DSG3: variants seen among roughly 807,000 people sequenced by gnomAD.
DSG3 encodes the protein desmoglein-3.
In DSG3, 63 loss-of-function variants were observed where a neutral mutation model predicts 85.9. That is an observed-to-expected ratio of 0.73 (90% CI 0.60 to 0.90). The LOEUF (loss-of-function observed/expected upper bound fraction) is 0.90. Among genes scored for constraint, DSG3 ranks in the 40% least tolerant of loss-of-function variants. The pLI is 0.00. For missense variants in DSG3, 1,220 were observed against 1,219.9 expected (o/e 1.00, Z 0.00); for synonymous variants, 447 against 441.9 (o/e 1.01, Z -0.14).
At chr18:31,459,679 G>A (rs764594356) in intron 5 of DSG3, among the ~76,000 whole-genome samples, 166 bp from the exon 6 acceptor site, 2 of 152,140 alleles carry the variant, frequency 1.3e-5, no homozygotes, top group Non-Finnish European at 1.5e-5. Flanking sequence ...TACCTGGTTG[G>A]GAGAGACAGA....
At chr18:31,471,856 C>T (rs1236202822) in intron 12 of DSG3, among the ~76,000 whole-genome samples, 1 of 152,164 alleles carries the variant, frequency 6.6e-6, no homozygotes, top group East Asian at 1.9e-4. Flanking sequence ...TACCAAAACA[C>T]CATCGTGCCC....
At chr18:31,453,439 C>T (rs2072723284) in intron 1 of DSG3, among the ~76,000 whole-genome samples, 2 of 152,126 alleles carry the variant, frequency 1.3e-5, no homozygotes, top group Admixed American at 1.3e-4. Flanking sequence ...TGCTATTATA[C>T]TTGCTTTTTG....
intron 1 of DSG3, among the ~76,000 whole-genome samples, chr18:31,449,090 G>A (rs1598772100): frequency 1.3e-5 from 2 of 152,100 alleles, no homozygotes; most frequent in Non-Finnish European, 2.9e-5. Flanking sequence ...TAGAGATGGG[G>A]TTTTGCCATG....
At chr18:31,458,669 T>C in intron 4 of DSG3, 69 bp downstream of exon 4, 1 of 1,526,190 alleles carries the variant, frequency 6.6e-7, no homozygotes, top group Non-Finnish European at 8.9e-7. Flanking sequence ...AGTGACAGTT[T>C]TCTACTGGTA....
chr18:31,458,361 T>A, intron 3 of DSG3, 84 bp from the exon 4 acceptor site: 1 of 1,384,868 alleles, frequency 7.2e-7, no homozygotes, highest in Non-Finnish European at 9.9e-7. Flanking sequence ...AATGAACAGA[T>A]GACTTTAGAC....
At chr18:31,472,637 T>C in intron 13 of DSG3, 88 bp from the exon 14 acceptor site, 7 of 1,410,044 alleles carry the variant, frequency 5.0e-6, no homozygotes, top group Non-Finnish European at 6.9e-6. Context: ...ATGTTATCAT[T>C]TACAAATTTG....
At position 31,474,351 on chromosome 18, in the gene DSG3, G is replaced by C. The variant is rs373896941; in HGVS notation, c.2332G>C (p.Asp778His). The change falls in exon 15 of 16, where the codon GAC (aspartate) becomes CAC (histidine). Residue 778 changes from aspartate (D) to histidine (H), a missense_variant. By Grantham distance (81) the Asp-to-His change is moderately conservative. Coordinates refer to ENST00000257189, the MANE Select transcript of DSG3 (RefSeq NM_001944.3). ...TRHSTGGTNK[D>H]YADGAISMNF... ...GCATTCCACTGGAGGAACCAATAAG[G>C]ACTACGCTGATGGGGCGATAAGCAT... 8 of 1,614,054 alleles carry C rather than the reference G, an allele frequency of 5.0e-6. No individual in the cohort carries two copies. Among genetic ancestry groups the C allele is most frequent in the Non-Finnish European group, 6.8e-6 (8 of 1,180,034 alleles).
chr18:31,453,251 T>A (rs1443990434), intron 1 of DSG3, among the ~76,000 whole-genome samples: 2 of 152,214 alleles, frequency 1.3e-5, no homozygotes, highest in African/African-American at 4.8e-5. Context: ...TTGAATTATC[T>A]AATTCATTCT....
At chr18:31,465,558 G>A (rs2144277960) in intron 10 of DSG3, 101 bp downstream of exon 10, 4 of 1,098,488 alleles carry the variant, frequency 3.6e-6, no homozygotes, top group Middle Eastern at 2.5e-4. Context: ...CTTTACCACT[G>A]GAGAGAGAGA....
chr18:31,464,991 C>A (rs1317720639), intron 9 of DSG3, among the ~76,000 whole-genome samples: 2 of 151,738 alleles, frequency 1.3e-5, no homozygotes, highest in Non-Finnish European at 2.9e-5. Context: ...ACAAAATTAG[C>A]CGTGGTGGTG....
Position 31,476,436 on chromosome 18 carries a change from T to G in DSG3, c.*176T>G. 1 of 620,638 alleles carries G rather than the reference T, an allele frequency of 1.6e-6. No individual in the cohort carries two copies. The highest frequency in any genetic ancestry group is 2.9e-5 in the East Asian group (1 of 34,200). The allele number at this position is 620,638 out of a possible 1,614,324, so 38.4% of individuals were successfully genotyped here. A position where few individuals can be genotyped will look rare whatever the true frequency, so the allele number is the denominator to read the frequency against. On this transcript the variant is annotated 3_prime_UTR_variant, in exon 16 of 16. Transcript: ENST00000257189. ...GGGTTCATACCCCAAAAGCAATATG[T>G]TGTCACTCCTAATTCTCAAGTACTA...
At chr18:31,474,077 A>G (rs761063638) in intron 14 of DSG3, 44 bp from the exon 15 acceptor site, 1 of 1,569,448 alleles carries the variant, frequency 6.4e-7, no homozygotes, top group Non-Finnish European at 8.7e-7. Flanking sequence ...AAATGCAACA[A>G]ACAACAGCAT....
chr18:31,475,880 T>A lies in DSG3; in HGVS notation c.2620T>A (p.Ser874Thr), dbSNP rs894187236. Residue 874 changes from serine to threonine, a missense_variant, in exon 16 of 16, where the codon TCT becomes ACT. Transcript: ENST00000257189. ...TGAAGGCAAAGAAGTTCAGCCACCC[T>A]CTAAAGACAGCGGTTATGGGATTGA... is the stretch of plus-strand genomic sequence containing the variant. ...DGEGKEVQPP[S>T]KDSGYGIESC... The A allele has an allele frequency of 1.9e-6, 3 of 1,614,092 alleles. No individual in the cohort carries two copies. Among genetic ancestry groups the A allele is most frequent in the Non-Finnish European group, 1.7e-6 (2 of 1,180,052 alleles).
At chr18:31,473,796 A>C (rs2072869673) in intron 14 of DSG3, among the ~76,000 whole-genome samples, 1 of 152,250 alleles carries the variant, frequency 6.6e-6, no homozygotes, top group Non-Finnish European at 1.5e-5. Flanking sequence ...TCGTGAAAAC[A>C]AACAAGCATT....
rs748482929 is a variant in DSG3 at position 31,475,720 on chromosome 18, C to T, written c.2460C>T (p.Gly820=). Residue 820 remains glycine, a synonymous_variant, in exon 16 of 16, where the codon GGC becomes GGT. Transcript: ENST00000257189. ...NDCLLIYDNE[G]ADATGSPVGS... ...GCTTGTTGATCTATGATAATGAAGG[C>T]GCAGATGCCACTGGTTCTCCTGTGG... 5.4e-5 allele frequency: 87 copies of T among 1,614,030 alleles called. No homozygotes were observed. Among genetic ancestry groups the T allele is most frequent in the Non-Finnish European group, 6.4e-5 (76 of 1,180,032 alleles).
Position 31,476,328 on chromosome 18 carries a change from A to G in DSG3, c.*68A>G. ...TGGACTAAAGTATTCAAAATAGCAT[A>G]GCAAAGCTCACTGTATTGGGCTAAT... On this transcript the variant is annotated 3_prime_UTR_variant, in exon 16 of 16. Coordinates refer to ENST00000257189, the MANE Select transcript of DSG3 (RefSeq NM_001944.3). 2 of 1,521,972 alleles carry G rather than the reference A, an allele frequency of 1.3e-6. No homozygotes were observed. Among genetic ancestry groups the G allele is most frequent in the Non-Finnish European group, 1.8e-6 (2 of 1,132,978 alleles). 94.3% of individuals were successfully genotyped at this position (1,521,972 alleles called of 1,614,324 possible). A position where few individuals can be genotyped will look rare whatever the true frequency, so the allele number is the denominator to read the frequency against.
chr18:31,458,394 G>T (rs941910361), intron 3 of DSG3, 51 bp from the exon 4 acceptor site: 1 of 1,575,564 alleles, frequency 6.3e-7, no homozygotes, highest in Non-Finnish European at 8.6e-7. Flanking sequence ...GGTGGAGAGG[G>T]AAAGGCTTGA....
chr18:31,455,300 T>C (rs2072735395), intron 1 of DSG3, among the ~76,000 whole-genome samples: 2 of 152,162 alleles, frequency 1.3e-5, no homozygotes. Context: ...TTCTAGTTTT[T>C]TTTTTCTTCT....
In DSG3 at chr18:31,476,502, A is replaced by G. The variant is rs1466379; in HGVS notation, c.*242A>G. Reference sequence around the variant, plus strand: ...ATCTTAAAGTTTTTCAAAACCCTAAAATCATATTCGCCAGGAAATTTTCCT... The same window carrying G: ...ATCTTAAAGTTTTTCAAAACCCTAAGATCATATTCGCCAGGAAATTTTCCT... On this transcript the variant is annotated 3_prime_UTR_variant, in exon 16 of 16. Transcript: ENST00000257189. 0.19 allele frequency: 73,352 copies of G among 395,736 alleles called. 8,745 individuals are homozygous for G. The highest frequency in any genetic ancestry group is 0.43 in the African/African-American group (20,775 of 48,558). 24.5% of individuals were successfully genotyped at this position (395,736 alleles called of 1,614,324 possible).
Sources: allele counts gnomAD v4.1 joint callset (sites outside exome capture counted in the v4.1 genomes callset), GRCh38; gene constraint gnomAD v4.1.1; transcripts MANE v1.5; gene names NCBI Gene and HGNC (gene_info 2026-07-23, HGNC 2026-07-21).